C12orf42: variants seen among roughly 807,000 people sequenced by gnomAD.
The protein encoded by C12orf42 is chromosome 12 open reading frame 42, also known as uncharacterized protein C12orf42.
In C12orf42, 25 loss-of-function variants were observed where a neutral mutation model predicts 21.6. The ratio of observed to expected loss-of-function variants is 1.16; its 90% CI spans 0.84 to 1.62. C12orf42 has a LOEUF of 1.62. Ranked by LOEUF, C12orf42 falls within the 40% of genes most tolerant of loss-of-function variation. C12orf42 has a pLI of 0.00. For synonymous variants in C12orf42, 174 were observed against 175.0 expected, an observed-to-expected ratio of 0.99 and a Z score of 0.05; for missense variants, 483 against 459.3, an observed-to-expected ratio of 1.05 and a Z score of -0.47.
intron 2 of C12orf42, among the ~76,000 whole-genome samples, chr12:103,462,096 G>GTTTTTTTTTTTA (rs1952753996): frequency 3.6e-5 from 1 of 27,724 alleles, no homozygotes; most frequent in South Asian, 1.5e-3. Context: ...TTTTTGCTTG[G>GTTTTTTTTTTTA]TTTTTTTTTT....
At chr12:103,402,202 C>T (rs1270399068) in intron 2 of C12orf42, among the ~76,000 whole-genome samples, 1 of 152,120 alleles carries the variant, frequency 6.6e-6, no homozygotes, top group Non-Finnish European at 1.5e-5. Flanking sequence ...TTGTAGAAAC[C>T]TGTGAATGAA....
At chr12:103,406,392 A>G (rs1055023867) in intron 2 of C12orf42, among the ~76,000 whole-genome samples, 3 of 152,218 alleles carry the variant, frequency 2.0e-5, no homozygotes, top group Non-Finnish European at 4.4e-5. Context: ...GAAATAGATC[A>G]GTTCTTCTCC....
chr12:103,378,510 G>A (rs1324181188), intron 3 of C12orf42, among the ~76,000 whole-genome samples: 1 of 152,212 alleles, frequency 6.6e-6, no homozygotes, highest in East Asian at 1.9e-4. Context: ...ACCCCATGAG[G>A]AATCACTTAA....
chr12:103,459,175 C>T, intron 2 of C12orf42, among the ~76,000 whole-genome samples: 1 of 152,330 alleles, frequency 6.6e-6, no homozygotes, highest in South Asian at 2.1e-4. Context: ...ATCTCAGTCT[C>T]TCTGCCATAC....
Position 103,478,462 on chromosome 12 carries a change from T to C in C12orf42, c.-21-15A>G, listed in dbSNP as rs1282564806. ...AGTTCAACTCCCTATAAACAAAGAA[T>C]GGAGAAAGAAGAGCAGGTTTACAAT... On this transcript the variant is annotated splice_polypyrimidine_tract_variant and intron_variant, in intron 1 of 5. Transcript: ENST00000548883. 4 of 1,326,156 alleles carry C rather than the reference T, an allele frequency of 3.0e-6. No individual in the cohort carries two copies. Among genetic ancestry groups the C allele is most frequent in the East Asian group, 4.8e-5 (2 of 41,588 alleles). 82.1% of individuals were successfully genotyped at this position (1,326,156 alleles called of 1,614,324 possible). A position where few individuals can be genotyped will look rare whatever the true frequency, so the allele number is the denominator to read the frequency against.
the C12orf42 span, among the ~76,000 whole-genome samples, chr12:103,107,358 G>A: frequency 6.6e-6 from 1 of 151,842 alleles, no homozygotes; most frequent in African/African-American, 2.4e-5. Context: ...TTACAAATTT[G>A]ACCAAACAAA....
At chr12:103,273,748 GGAGAAAGAGAAGAGAAA>G (rs1005308133) in intron 5 of C12orf42, 7 of 435,572 alleles carry the variant, frequency 1.6e-5, no homozygotes, top group Non-Finnish European at 3.3e-5. Context: ...AAAAGGAGGA[GGAGAAAGAGAAGAGAAA>G]GAGAAAGAGA....
At chr12:103,178,700 A>G in the C12orf42 span, 3 of 152,224 alleles carry the variant, frequency 2.0e-5, no homozygotes, top group Non-Finnish European at 4.4e-5. Flanking sequence ...CCATGTGGAC[A>G]ATATTTGTTC....
the C12orf42 span, among the ~76,000 whole-genome samples, chr12:103,104,001 T>C: frequency 4.6e-5 from 7 of 152,160 alleles, no homozygotes; most frequent in Non-Finnish European, 8.8e-5. Flanking sequence ...TATGTGGGCG[T>C]TGTGCCCAGC....
the C12orf42 span, chr12:103,504,321 C>T: frequency 6.2e-6 from 1 of 161,354 alleles, no homozygotes; most frequent in South Asian, 1.6e-4. Flanking sequence ...TGGAAGATGG[C>T]TACCTTCAGG....
the C12orf42 span, among the ~76,000 whole-genome samples, chr12:103,159,065 ACT>A: frequency 3.3e-5 from 5 of 152,246 alleles, no homozygotes; most frequent in Non-Finnish European, 5.9e-5. Context: ...ATCATGTGGA[ACT>A]CTCGACAGAA....
chr12:103,233,084 C>G (rs1292724167), downstream of C12orf42, among the ~76,000 whole-genome samples: 1 of 152,216 alleles, frequency 6.6e-6, no homozygotes, highest in East Asian at 1.9e-4. Context: ...ACAAGACTAT[C>G]TCTGCTCCAT....
At chr12:103,225,533 G>A in the C12orf42 span, among the ~76,000 whole-genome samples, 1 of 152,052 alleles carries the variant, frequency 6.6e-6, no homozygotes, top group Non-Finnish European at 1.5e-5. Context: ...TTAAGGTGGG[G>A]GGATACAAGA....
At chr12:103,506,156 C>G in the C12orf42 span, 1 of 162,838 alleles carries the variant, frequency 6.1e-6, no homozygotes, top group Non-Finnish European at 1.4e-5. Context: ...TCTAACTGCT[C>G]TGTCAGATCC....
rs866341133 is a variant in C12orf42, at chr12:103,425,846, C to T, written c.79-24171G>A. ...AGGCAGTCTGGCTACAGTGGCTTTGCCGAGCTGTGGTGGACTCCGTCCAGT... is the reference window on the plus strand; with the variant it reads ...AGGCAGTCTGGCTACAGTGGCTTTGTCGAGCTGTGGTGGACTCCGTCCAGT... On this transcript the variant is annotated intron_variant, in intron 2 of 5. Transcript: ENST00000548883. Among the ~76,000 whole-genome samples, 73 of 152,174 alleles carry T rather than the reference C, an allele frequency of 4.8e-4. 1 individual carries two copies. The highest frequency in any genetic ancestry group is 9.2e-4 in the Admixed American group (14 of 15,290).
At chr12:103,262,388 T>A (rs1674899994) in intron 10 of C12orf42, 1 of 152,356 alleles carries the variant, frequency 6.6e-6, no homozygotes, top group African/African-American at 2.4e-5. Flanking sequence ...AGTATAATGT[T>A]AAGTTTTAAA....
chr12:103,228,046 C>T, the C12orf42 span, among the ~76,000 whole-genome samples: 291 of 152,184 alleles, frequency 1.9e-3, 4 homozygotes, highest in African/African-American at 6.4e-3. Flanking sequence ...GCGAAGAACA[C>T]GAGTACAGGG....
chr12:103,527,016 T>C, the C12orf42 span, among the ~76,000 whole-genome samples: 1 of 152,102 alleles, frequency 6.6e-6, no homozygotes, highest in Non-Finnish European at 1.5e-5. Flanking sequence ...CAGCAGCTAC[T>C]TTTCTTCTTT....
intron 4 of C12orf42, among the ~76,000 whole-genome samples, chr12:103,330,141 C>T (rs1190225622): frequency 6.6e-6 from 1 of 152,110 alleles, no homozygotes. Context: ...TCTTTCTTCA[C>T]ATTCAGACCG....
Sources: gnomAD v4.1 joint callset for allele counts (sites outside exome capture counted in the v4.1 genomes callset) on GRCh38, gnomAD v4.1.1 for gene constraint, MANE v1.5 for transcripts, NCBI Gene and HGNC (gene_info 2026-07-23, HGNC 2026-07-21) for gene names.